Variants in WASHC2A observed in about 807,000 individuals in gnomAD.
The protein encoded by WASHC2A is WASH complex subunit 2A.
In WASHC2A, 82 loss-of-function variants were observed where a neutral mutation model predicts 140.3. That is an observed-to-expected ratio of 0.58 (90% confidence interval 0.49 to 0.70). WASHC2A has a LOEUF of 0.70. Among genes scored for constraint, WASHC2A ranks in the 30% least tolerant of loss-of-function variants. WASHC2A has a pLI of 0.00. For missense variants in WASHC2A, 985 were observed against 1,521.8 expected (o/e 0.65, Z 5.87); for synonymous variants, 340 against 560.8 (o/e 0.61, Z 5.56).
rs1244755570 is a variant in WASHC2A, at chr10:50,093,927, G to A, written c.1180+10G>A. 4.7e-4 allele frequency: 745 copies of A among 1,583,662 alleles called. No homozygotes were observed. In the African/African-American group the frequency reaches 8.5e-3, roughly 18 times the overall value. Reference sequence around the variant, plus strand: ...GCCTCTGTTAAGGAGGGTAAGCTGGGGCTGGGCAGCTGCGTCTCCGTGTGC... The same window carrying A: ...GCCTCTGTTAAGGAGGGTAAGCTGGAGCTGGGCAGCTGCGTCTCCGTGTGC... On this transcript the variant is annotated intron_variant, in intron 13 of 30. Transcript: ENST00000282633.
In WASHC2A at chr10:50,132,884, G is replaced by T. The variant is rs1844109373; in HGVS notation, c.3965G>T (p.Arg1322Ile). ...SRSAQAAPEP[R>I]FEHKVSNIFD... is the part of the protein sequence containing the mutation. ...TCTGCACAGGCCGCACCTGAACCAA[G>T]ATTTGAACACAAGGTGTCCAACATC... is the stretch of plus-strand genomic sequence containing the variant. The change falls in exon 31 of 31, where the codon AGA becomes ATA. Residue 1322 changes from arginine to isoleucine, a missense_variant. Physicochemically the swap from Arg to Ile is moderately conservative, Grantham distance 97 (BLOSUM62 -3). Transcript: ENST00000282633. 6.2e-7 allele frequency: 1 copy of T among 1,611,910 alleles called. No individual in the cohort carries two copies. The highest frequency in any genetic ancestry group is 1.3e-5 in the African/African-American group (1 of 74,854).
intron 16 of WASHC2A, among the ~76,000 whole-genome samples, chr10:50,098,816 G>C (rs1840758407): frequency 6.7e-6 from 1 of 148,448 alleles, no homozygotes. Flanking sequence ...GATTCAGGGT[G>C]AGAAGTTTTG....
intron 4 of WASHC2A, among the ~76,000 whole-genome samples, chr10:50,079,930 A>C (rs1241945709): frequency 1.3e-5 from 2 of 151,818 alleles, no homozygotes; most frequent in Non-Finnish European, 2.9e-5. Context: ...AAAAAAGTTC[A>C]GTTAGAAAGA....
At chr10:50,092,344 G>A (rs1269023825) in intron 11 of WASHC2A, 111 bp downstream of exon 11, 5 of 1,433,638 alleles carry the variant, frequency 3.5e-6, no homozygotes, top group Non-Finnish European at 3.8e-6. Context: ...TGACAAATGG[G>A]TCTGTCTCCA....
intron 18 of WASHC2A, 32 bp from the exon 19 acceptor site, chr10:50,106,296 ATAAAGT>A (rs1199517635): frequency 6.2e-7 from 1 of 1,601,706 alleles, no homozygotes; most frequent in African/African-American, 1.3e-5. Flanking sequence ...TTTTCTGATT[ATAAAGT>A]TGTCTTACCT....
At chr10:50,068,955 C>G (rs544135988) in intron 2 of WASHC2A, among the ~76,000 whole-genome samples, 2 of 144,482 alleles carry the variant, frequency 1.4e-5, no homozygotes, top group Admixed American at 1.4e-4. Flanking sequence ...TGGACTCTAG[C>G]GATAACCCTG....
At chr10:50,092,132 T>G (rs782032203) in intron 10 of WASHC2A, 30 bp from the exon 11 acceptor site, 18 of 1,432,182 alleles carry the variant, frequency 1.3e-5, no homozygotes, top group Non-Finnish European at 1.7e-5. Context: ...GAGGACTTAG[T>G]ACTATTAAAA....
chr10:50,095,782 T>A lies in WASHC2A; in HGVS notation c.1420+4T>A. ...CACAGCAAACCTTCTAAAACAGGTA[T>A]GTGTTCCTGCCTCCGTTTCTAGGAC... On this transcript the variant is annotated splice_donor_region_variant and intron_variant, in intron 15 of 30. Transcript: ENST00000282633. 6.2e-7 allele frequency: 1 copy of A among 1,604,110 alleles called. No individual in the cohort carries two copies. Among genetic ancestry groups the A allele is most frequent in the East Asian group, 2.2e-5 (1 of 44,574 alleles).
chr10:50,126,286 A>G (rs1456014106), intron 26 of WASHC2A, 107 bp downstream of exon 26: 40 of 1,601,850 alleles, frequency 2.5e-5, no homozygotes, highest in Non-Finnish European at 3.4e-5. Flanking sequence ...TTAAGGAGGA[A>G]ACAGCAACCA....
In WASHC2A at chr10:50,069,583, A is replaced by G. The variant is rs538396835; in HGVS notation, c.163A>G (p.Ile55Val). The G allele has an allele frequency of 1.2e-5, 19 of 1,613,628 alleles. No homozygotes were observed. The East Asian group carries it at 4.2e-4, about 36-fold the overall frequency. ...TCTACAGGAATTCTCACAGCAAACT[A>G]TCTCTAGGACCCATGAAATCAAGAA... ...QFLQEFSQQT[I>V]SRTHEIKKQV... Residue 55 changes from isoleucine to valine, a missense_variant, in exon 3 of 31, where the codon ATC (isoleucine) becomes GTC (valine). Physicochemically the swap from Ile to Val is conservative, Grantham distance 29. Transcript: ENST00000282633.
Position 50,130,015 on chromosome 10 carries a change from A to C in WASHC2A, c.3684A>C (p.Ile1228=). Residue 1228 remains isoleucine, a synonymous_variant, in exon 29 of 31, where the codon ATA becomes ATC. Transcript: ENST00000282633. ...ETKSNSQQDV[I]LTTQDIFEDD... ...AATCCAATAGTCAGCAGGATGTCAT[A>C]TTAACAACACAAGATATTTTTGAGG... 1 of 1,611,980 alleles carries C rather than the reference A, an allele frequency of 6.2e-7. No homozygotes were observed. Among genetic ancestry groups the C allele is most frequent in the Non-Finnish European group, 8.5e-7 (1 of 1,179,830 alleles).
chr10:50,111,750 C>T (rs1487963078), intron 20 of WASHC2A, among the ~76,000 whole-genome samples: 1 of 152,228 alleles, frequency 6.6e-6, no homozygotes, highest in Non-Finnish European at 1.5e-5. Context: ...GCCTTCCCGG[C>T]TGGGCGCAGT....
intron 3 of WASHC2A, chr10:50,078,143 C>G: frequency 1.1e-6 from 1 of 915,330 alleles, no homozygotes; most frequent in Non-Finnish European, 1.6e-6. Context: ...GGCTTTCTGG[C>G]AAGTCAGTGG....
At chr10:50,124,653 T>A (rs1554894335) in intron 23 of WASHC2A, among the ~76,000 whole-genome samples, 1 of 152,118 alleles carries the variant, frequency 6.6e-6, no homozygotes, top group Admixed American at 6.6e-5. Flanking sequence ...GAGGGACACA[T>A]ACTTGACCAC....
chr10:50,102,234 GC>G (rs1841271407), intron 17 of WASHC2A, among the ~76,000 whole-genome samples: 1 of 152,114 alleles, frequency 6.6e-6, no homozygotes, highest in African/African-American at 2.4e-5. Context: ...TAAAACTAAG[GC>G]AGTCTAAGTA....
At position 50,130,717 on chromosome 10, in the gene WASHC2A, C is replaced by T. The variant is rs528612236; in HGVS notation, c.3709-184C>T. On this transcript the variant is annotated intron_variant, in intron 29 of 30. Transcript: ENST00000282633. ...GTCACTGCAGTGCCGGCATTTGAGC[C>T]GGGGTGAGATGGGCGGGCCAAGCTG... is the stretch of plus-strand genomic sequence containing the variant. Among the ~76,000 whole-genome samples the T allele has an allele frequency of 2.6e-4, 39 of 152,266 alleles. No homozygotes were observed. The East Asian group carries it at 6.8e-3, about 26-fold the overall frequency.
intron 16 of WASHC2A, among the ~76,000 whole-genome samples, chr10:50,098,937 T>G (rs1417028680): frequency 1.3e-5 from 2 of 150,596 alleles, no homozygotes; most frequent in African/African-American, 4.9e-5. Context: ...GTTGTTAGGG[T>G]GCCCACCACA....
intron 8 of WASHC2A, among the ~76,000 whole-genome samples, chr10:50,090,515 A>AAATATATATATATATATATAT (rs1214596899): frequency 9.2e-6 from 1 of 108,766 alleles, no homozygotes; most frequent in African/African-American, 3.3e-5. Flanking sequence ...AAAAAAAAAA[A>AAATATATATATATATATATAT]ATATATATAT....
At chr10:50,081,544 G>A (rs1275136937) in intron 5 of WASHC2A, among the ~76,000 whole-genome samples, 2 of 137,688 alleles carry the variant, frequency 1.5e-5, no homozygotes, top group African/African-American at 5.5e-5. Context: ...AGAGTCTCTC[G>A]GTAGTGAACA....
Sources: gnomAD v4.1 joint callset for allele counts (sites outside exome capture counted in the v4.1 genomes callset) on GRCh38, gnomAD v4.1.1 for gene constraint, MANE v1.5 for transcripts, NCBI Gene and HGNC (gene_info 2026-07-23, HGNC 2026-07-21) for gene names.